XIRP2: variants seen among roughly 807,000 people sequenced by gnomAD.
XIRP2 encodes the protein xin actin binding repeat containing 2, also known as xin actin-binding repeat-containing protein 2.
A neutral mutation model predicts 277.0 loss-of-function variants in XIRP2; 236 were observed. The observed-to-expected ratio is 0.85, with a 90% CI of 0.77 to 0.95. The LOEUF is 0.95. XIRP2 is among the 40% of genes least tolerant of loss of function. The pLI is 0.00. For missense variants in XIRP2, 4,640 were observed against 4,157.5 expected (o/e 1.12, Z -3.19); for synonymous variants, 1,490 against 1,416.5 (o/e 1.05, Z -1.17).
intron 3 of XIRP2, among the ~76,000 whole-genome samples, chr2:167,194,467 C>T (rs186896414): frequency 5.3e-5 from 8 of 152,230 alleles, no homozygotes; most frequent in Admixed American, 3.3e-4. Flanking sequence ...CCCCTTCCTT[C>T]GTTTTTATTT....
At chr2:167,207,762 T>A (rs1209643662) in intron 3 of XIRP2, among the ~76,000 whole-genome samples, 3 of 152,196 alleles carry the variant, frequency 2.0e-5, no homozygotes, top group African/African-American at 7.2e-5. Context: ...CTATAGTATA[T>A]GACTTTTTAT....
intron 2 of XIRP2, among the ~76,000 whole-genome samples, chr2:167,010,004 A>G (rs1687620586): frequency 6.6e-6 from 1 of 151,852 alleles, no homozygotes; most frequent in South Asian, 2.1e-4. Context: ...ATTTTCTCCC[A>G]TTTTGTAGGT....
At chr2:166,997,908 A>G (rs1277202883) in intron 2 of XIRP2, among the ~76,000 whole-genome samples, 1 of 151,714 alleles carries the variant, frequency 6.6e-6, no homozygotes, top group Non-Finnish European at 1.5e-5. Flanking sequence ...TCCATCTCAA[A>G]AAAAAAAAAA....
intron 9 of XIRP2, 103 bp from the exon 10 acceptor site, chr2:167,253,929 A>G (rs1695586200): frequency 1.5e-6 from 2 of 1,333,730 alleles, no homozygotes; most frequent in Non-Finnish European, 2.0e-6. Context: ...GAGCTTTTCT[A>G]CTTTAACCGC....
intron 1 of XIRP2, among the ~76,000 whole-genome samples, chr2:166,894,371 G>A (rs999134357): frequency 4.6e-5 from 7 of 152,014 alleles, no homozygotes; most frequent in Non-Finnish European, 4.4e-5. Context: ...GAATCCTAAC[G>A]TGAATGTCAG....
At chr2:167,175,055 C>T (rs967899653) in intron 3 of XIRP2, among the ~76,000 whole-genome samples, 3 of 152,092 alleles carry the variant, frequency 2.0e-5, no homozygotes, top group Non-Finnish European at 2.9e-5. Flanking sequence ...AATGTATACA[C>T]TGTTGATTTG....
rs752226495 is a variant in XIRP2, at chr2:167,244,809, A to G, written c.3417A>G (p.Ile1139Met). Residue 1139 changes from isoleucine to methionine, a missense_variant, in exon 9 of 11, where the codon ATA (isoleucine) becomes ATG (methionine). Ile to Met is a conservative substitution (Grantham distance 10). Coordinates refer to ENST00000409195, the MANE Select transcript of XIRP2 (RefSeq NM_152381.6). ...WLFETQPLDT[I>M]KDDSETAVKL... ...TTGAAACTCAGCCACTTGATACCAT[A>G]AAAGATGACTCTGAAACAGCAGTCA... is the stretch of plus-strand genomic sequence containing the variant. 1 of 1,613,584 alleles carries G rather than the reference A, an allele frequency of 6.2e-7. No homozygotes were observed. The highest frequency in any genetic ancestry group is 1.3e-5 in the African/African-American group (1 of 74,876).
At chr2:167,195,120 A>G (rs1359679395) in intron 3 of XIRP2, among the ~76,000 whole-genome samples, 1 of 152,158 alleles carries the variant, frequency 6.6e-6, no homozygotes, top group Non-Finnish European at 1.5e-5. Context: ...TCTTTCACAG[A>G]TGCACTCTTC....
In XIRP2 at chr2:167,237,673, G is replaced by A. The variant is rs1004346295; in HGVS notation, c.859-2182G>A. On this transcript the variant is annotated intron_variant, in intron 5 of 10. Transcript: ENST00000409195. ...ATAAAGCACATCCCCAGGCCTCAGC[G>A]GGCATGTAGGCCTCTAGGCGGAGAC... Among the ~76,000 whole-genome samples the A allele has an allele frequency of 6.6e-5, 10 of 152,102 alleles. No individual in the cohort carries two copies. The East Asian group carries it at 9.6e-4, about 15-fold the overall frequency.
At chr2:167,201,915 A>G (rs959243785) in intron 3 of XIRP2, among the ~76,000 whole-genome samples, 4 of 152,074 alleles carry the variant, frequency 2.6e-5, no homozygotes, top group Admixed American at 6.5e-5. Context: ...CTTGAAATCA[A>G]CTCCGGGTTC....
rs1039269201 is a variant in XIRP2 at position 167,244,878 on chromosome 2, T to C, written c.3486T>C (p.Val1162=). Residue 1162 remains valine, a synonymous_variant, in exon 9 of 11, where the codon GTT becomes GTC. Transcript: ENST00000409195. ...VKQEEIQGGD[V]RTACFLFETE... ...AGGAGGAGATCCAAGGTGGGGATGT[T>C]CGTACAGCATGTTTTCTTTTTGAGA... is the stretch of plus-strand genomic sequence containing the variant. The C allele has an allele frequency of 6.2e-7, 1 of 1,612,866 alleles. No homozygotes were observed. The highest frequency in any genetic ancestry group is 8.5e-7 in the Non-Finnish European group (1 of 1,179,550).
intron 2 of XIRP2, among the ~76,000 whole-genome samples, chr2:167,010,229 C>T (rs928310781): frequency 2.0e-5 from 3 of 152,048 alleles, no homozygotes; most frequent in Non-Finnish European, 4.4e-5. Context: ...TTTAATCCAT[C>T]TTGAATTAAT....
chr2:166,921,754 A>G (rs1187264208), intron 2 of XIRP2, among the ~76,000 whole-genome samples: 2 of 152,106 alleles, frequency 1.3e-5, no homozygotes, highest in East Asian at 3.9e-4. Flanking sequence ...GTGCATTAGC[A>G]TTGCATTATT....
chr2:167,038,467 G>T (rs1688574899), intron 2 of XIRP2, among the ~76,000 whole-genome samples: 1 of 150,396 alleles, frequency 6.6e-6, no homozygotes, highest in Non-Finnish European at 1.5e-5. Flanking sequence ...CATGAAGTAT[G>T]GAATCAAACA....
rs868843427 is a variant in XIRP2, at chr2:167,243,802, G to C, written c.2410G>C (p.Gly804Arg). The change falls in exon 9 of 11, where the codon GGG (glycine) becomes CGG (arginine). Residue 804 changes from glycine (G) to arginine (R), a missense_variant. Transcript: ENST00000409195. ...ATCCATGGAAGAAAATGTCAAAGGT[G>C]GGGTGAGTAAGGCAAAGTGGTTATT... ...GISMEENVKG[G>R]VSKAKWLFET... 5 of 1,614,012 alleles carry C rather than the reference G, an allele frequency of 3.1e-6. No homozygotes were observed. The highest frequency in any genetic ancestry group is 4.2e-6 in the Non-Finnish European group (5 of 1,179,964).
At chr2:166,935,219 T>C (rs1240607742) in intron 2 of XIRP2, among the ~76,000 whole-genome samples, 1 of 152,190 alleles carries the variant, frequency 6.6e-6, no homozygotes, top group Non-Finnish European at 1.5e-5. Flanking sequence ...AACTATTCTA[T>C]ACAGGGAACA....
chr2:167,247,998 G>T lies in XIRP2; in HGVS notation c.6606G>T (p.Lys2202Asn). The change falls in exon 9 of 11, where the codon AAG (lysine) becomes AAT (asparagine). Residue 2202 changes from lysine to asparagine, a missense_variant. Physicochemically the swap from Lys to Asn is moderately conservative, Grantham distance 94. Transcript: ENST00000409195. ...ATTCTAATAAGGATATAAAGAAAAA[G>T]AATATAAACCTTCAACCAATGTGGC... ...TKYSNKDIKK[K>N]NINLQPMWQL... 6.2e-7 allele frequency: 1 copy of T among 1,612,768 alleles called. No individual in the cohort carries two copies. Among genetic ancestry groups the T allele is most frequent in the Non-Finnish European group, 8.5e-7 (1 of 1,179,482 alleles).
At chr2:166,939,685 A>C (rs1386127191) in intron 2 of XIRP2, among the ~76,000 whole-genome samples, 44 of 126,474 alleles carry the variant, frequency 3.5e-4, no homozygotes, top group Non-Finnish European at 4.6e-4. Flanking sequence ...ATCACAAAAA[A>C]AAAAAAAAAA....
rs1695080222 is a variant in XIRP2 at position 167,241,865 on chromosome 2, C to A, written c.1131C>A (p.Ile377=). ...EQFEKSAQEK[I]LYSDKEMTTP... ...TTGAAAAGTCTGCCCAGGAAAAGAT[C>A]CTTTATTCTGACAAAGAGATGACAA... Residue 377 remains isoleucine, a synonymous_variant, in exon 8 of 11, where the codon ATC becomes ATA. Coordinates refer to ENST00000409195, the MANE Select transcript of XIRP2 (RefSeq NM_152381.6). The A allele has an allele frequency of 6.2e-7, 1 of 1,613,216 alleles. No homozygotes were observed. The highest frequency in any genetic ancestry group is 1.3e-5 in the African/African-American group (1 of 74,866).
Sources: gnomAD v4.1 joint callset for allele counts (sites outside exome capture counted in the v4.1 genomes callset) on GRCh38, gnomAD v4.1.1 for gene constraint, MANE v1.5 for transcripts, NCBI Gene and HGNC (gene_info 2026-07-23, HGNC 2026-07-21) for gene names.